Variants in EFL1 observed in about 807,000 individuals in gnomAD.
EFL1 encodes the protein elongation factor like GTPase 1.
In EFL1, 76 loss-of-function variants were observed where a neutral mutation model predicts 126.7. That is an observed-to-expected ratio of 0.60 (90% confidence interval 0.50 to 0.73). The LOEUF (loss-of-function observed/expected upper bound fraction) is 0.73. EFL1 is among the 30% of genes least tolerant of loss of function. EFL1 has a pLI of 0.00. For missense variants in EFL1, 1,128 were observed against 1,343.2 expected (o/e 0.84, Z 2.50); for synonymous variants, 410 against 448.4 (o/e 0.91, Z 1.08).
At chr15:82,147,541 C>A (rs1482528415) in intron 18 of EFL1, among the ~76,000 whole-genome samples, 1 of 147,216 alleles carries the variant, frequency 6.8e-6, no homozygotes, top group African/African-American at 2.5e-5. Context: ...ACTTGGGAGG[C>A]TGAGTCAGGA....
intron 4 of EFL1, among the ~76,000 whole-genome samples, chr15:82,245,008 G>A (rs1596006699): frequency 6.6e-6 from 1 of 152,104 alleles, no homozygotes; most frequent in Non-Finnish European, 1.5e-5. Flanking sequence ...AAAAATAACA[G>A]AAATATAGGC....
chr15:82,193,142 T>C (rs1402981178), intron 15 of EFL1, among the ~76,000 whole-genome samples: 1 of 152,202 alleles, frequency 6.6e-6, no homozygotes. Flanking sequence ...AATTCAAATT[T>C]TGTATTTTTT....
At chr15:82,227,369 G>C in intron 11 of EFL1, 81 bp downstream of exon 11, 12 of 1,602,684 alleles carry the variant, frequency 7.5e-6, no homozygotes, top group Non-Finnish European at 1.0e-5. Flanking sequence ...GCAAACTAGC[G>C]TTCAGCAAAC....
intron 18 of EFL1, among the ~76,000 whole-genome samples, chr15:82,150,957 GA>G (rs1487473873): frequency 6.6e-6 from 1 of 152,138 alleles, no homozygotes; most frequent in Non-Finnish European, 1.5e-5. Flanking sequence ...TGTTGCAAAA[GA>G]AAAGATCTTT....
chr15:82,139,046 C>G (rs1226395955), intron 18 of EFL1, among the ~76,000 whole-genome samples: 4 of 152,006 alleles, frequency 2.6e-5, no homozygotes. Flanking sequence ...CAAAAAATAA[C>G]AAAAAGTTAA....
At chr15:82,231,982 C>T (rs149656367) in intron 7 of EFL1, among the ~76,000 whole-genome samples, 1 of 152,330 alleles carries the variant, frequency 6.6e-6, no homozygotes, top group East Asian at 1.9e-4. Context: ...CAGAGCCTTA[C>T]TTCCAGATGT....
chr15:82,251,191 G>A (rs140370590), intron 4 of EFL1, among the ~76,000 whole-genome samples: 10,453 of 152,078 alleles, frequency 0.069, 562 homozygotes, highest in African/African-American at 0.13. Context: ...CAGCCTGGGC[G>A]ACAGAGCAAG....
chr15:82,219,912 C>T (rs1567068233), intron 13 of EFL1, 94 bp from the exon 14 acceptor site: 5 of 1,490,712 alleles, frequency 3.4e-6, no homozygotes, highest in South Asian at 1.4e-5. Context: ...TGATATCTTT[C>T]GTCAAGTTTC....
rs1004638394 is a variant in EFL1 at position 82,159,094 on chromosome 15, T to C, written c.1883-1234A>G. The stretch of plus-strand genomic sequence containing the variant: ...CCCAAGGGAAGACGGAAAGTGGGAT[T>C]TCACTGTGTCCAGGGTTGACAGAGG... On this transcript the variant is annotated intron_variant, in intron 16 of 19. Transcript: ENST00000268206. Among the ~76,000 whole-genome samples, 5 of 152,202 alleles carry C rather than the reference T, an allele frequency of 3.3e-5. No individual in the cohort carries two copies. In the East Asian group the frequency reaches 5.8e-4, roughly 18 times the overall value.
chr15:82,229,502 G>A (rs2074798982), intron 8 of EFL1, among the ~76,000 whole-genome samples: 1 of 152,028 alleles, frequency 6.6e-6, no homozygotes, highest in Non-Finnish European at 1.5e-5. Flanking sequence ...TATTTCTAAA[G>A]GTTCACAAGG....
intron 18 of EFL1, among the ~76,000 whole-genome samples, chr15:82,150,872 C>G (rs1185643904): frequency 6.6e-6 from 1 of 152,178 alleles, no homozygotes; most frequent in Non-Finnish European, 1.5e-5. Context: ...AAATATGGCA[C>G]AGGTTTGGAT....
At chr15:82,164,678 A>G (rs1286035508) in intron 15 of EFL1, among the ~76,000 whole-genome samples, 2 of 151,688 alleles carry the variant, frequency 1.3e-5, no homozygotes, top group Non-Finnish European at 2.9e-5. Flanking sequence ...CCGGCGGATC[A>G]CAAGGTCAGG....
At chr15:82,222,466 T>C (rs568804126) in intron 12 of EFL1, among the ~76,000 whole-genome samples, 78 of 152,338 alleles carry the variant, frequency 5.1e-4, no homozygotes, top group African/African-American at 1.7e-3. Flanking sequence ...AAGAAGTGTA[T>C]TTGTTCACTT....
At chr15:82,146,926 C>T (rs1358370681) in intron 18 of EFL1, among the ~76,000 whole-genome samples, 1 of 152,140 alleles carries the variant, frequency 6.6e-6, no homozygotes, top group South Asian at 2.1e-4. Context: ...AGTGGCAGAA[C>T]TGACTGATGG....
intron 8 of EFL1, among the ~76,000 whole-genome samples, chr15:82,230,577 A>G (rs1435131307): frequency 1.3e-5 from 2 of 152,096 alleles, no homozygotes; most frequent in Non-Finnish European, 2.9e-5. Flanking sequence ...GGTGCCCAAG[A>G]TCTAAGATTT....
At chr15:82,144,754 G>A (rs1345096880) in intron 18 of EFL1, among the ~76,000 whole-genome samples, 1 of 152,172 alleles carries the variant, frequency 6.6e-6, no homozygotes, top group African/African-American at 2.4e-5. Context: ...CAGCACTTTG[G>A]GAGGCCAAGG....
chr15:82,207,721 A>ATT (rs200551064), intron 15 of EFL1, among the ~76,000 whole-genome samples: 14,846 of 141,820 alleles, frequency 0.1, 1,197 homozygotes, highest in African/African-American at 0.21. Context: ...TGATTGATTG[A>ATT]TTTTTTTTTT....
chr15:82,229,343 C>G (rs2074797315), intron 8 of EFL1, among the ~76,000 whole-genome samples: 1 of 152,080 alleles, frequency 6.6e-6, no homozygotes, highest in Non-Finnish European at 1.5e-5. Context: ...GTGATATGAC[C>G]ATTTGTGGGT....
intron 3 of EFL1, among the ~76,000 whole-genome samples, chr15:82,258,113 C>T (rs2075081967): frequency 6.6e-6 from 1 of 152,206 alleles, no homozygotes; most frequent in Non-Finnish European, 1.5e-5. Context: ...CCTCTTCTCT[C>T]TATTCTCTGT....
Sources: allele counts gnomAD v4.1 joint callset (sites outside exome capture counted in the v4.1 genomes callset), GRCh38; gene constraint gnomAD v4.1.1; transcripts MANE v1.5; gene names NCBI Gene and HGNC (gene_info 2026-07-23, HGNC 2026-07-21).